The following NUP98 variants were observed in gnomAD, a reference collection of about 807,000 sequenced individuals.
NUP98 encodes nucleoporin 98 and 96 precursor.
A neutral mutation model predicts 191.9 loss-of-function variants in NUP98; 26 were observed. That is an observed-to-expected ratio of 0.14 (90% CI 0.10 to 0.19). The LOEUF is 0.19. NUP98 is among the 10% of genes least tolerant of loss of function. The pLI is 1.00. For synonymous variants in NUP98, 808 were observed against 778.4 expected (o/e 1.04, Z -0.63); for missense variants, 1,941 against 2,178.8 (o/e 0.89, Z 2.17).
chr11:3,742,875 C>T (rs1341404283), intron 12 of NUP98, among the ~76,000 whole-genome samples: 2 of 152,110 alleles, frequency 1.3e-5, no homozygotes, highest in East Asian at 3.8e-4. Context: ...CAAAACCTGA[C>T]ACATGTATCA....
intron 1 of NUP98, among the ~76,000 whole-genome samples, chr11:3,783,377 G>T (rs1024693409): frequency 6.6e-6 from 1 of 152,110 alleles, no homozygotes; most frequent in African/African-American, 2.4e-5. Context: ...GATAGGGTGA[G>T]ACAATGTCTC....
In NUP98 at chr11:3,683,406, C is replaced by T. The variant is rs145713888; in HGVS notation, c.4712G>A (p.Arg1571Gln). 43 of 1,614,052 alleles carry T rather than the reference C, an allele frequency of 2.7e-5. No individual in the cohort carries two copies. Among genetic ancestry groups the T allele is most frequent in the African/African-American group, 2.1e-4 (16 of 74,986 alleles). ...REKAVRELLT[R>Q]HCQLLETPES... ...AGGGGTCTCCAACAGCTGGCAGTGC[C>T]GGGTAAGCAGCTCTCGAACAGCCTT... is the stretch of plus-strand genomic sequence containing the variant. The change falls in exon 30 of 33, where the codon CGG (arginine) becomes CAG (glutamine). Residue 1571 changes from arginine to glutamine, a missense_variant. By Grantham distance (43) the Arg-to-Gln change is conservative. This residue lies in a region of NUP98 where 1,030 missense variants were observed against 1,115.8 expected (regional missense o/e 0.92). Transcript: ENST00000324932.
intron 2 of NUP98, 42 bp downstream of exon 2, chr11:3,782,000 A>C: frequency 7.5e-7 from 1 of 1,326,754 alleles, no homozygotes; most frequent in Non-Finnish European, 1.1e-6. Flanking sequence ...TTAGTAAGGG[A>C]GATTAAGGTT....
intron 11 of NUP98, among the ~76,000 whole-genome samples, chr11:3,746,378 T>C (rs1328487115): frequency 3.3e-5 from 5 of 150,736 alleles, no homozygotes; most frequent in Admixed American, 6.6e-5. Flanking sequence ...ATACTAAAAT[T>C]ATATTACTTC....
At chr11:3,689,444 G>A (rs1425144034) in intron 28 of NUP98, among the ~76,000 whole-genome samples, 1 of 151,750 alleles carries the variant, frequency 6.6e-6, no homozygotes, top group Non-Finnish European at 1.5e-5. Flanking sequence ...GGAGAATGGC[G>A]TGAACCTGGA....
At chr11:3,705,385 G>A in intron 21 of NUP98, 29 bp from the exon 22 acceptor site, 1 of 1,604,954 alleles carries the variant, frequency 6.2e-7, no homozygotes, top group Non-Finnish European at 8.5e-7. Flanking sequence ...TAGAATGAAT[G>A]TGCTTCCCAG....
chr11:3,740,876 C>T (rs915248253), intron 12 of NUP98, among the ~76,000 whole-genome samples: 4 of 150,774 alleles, frequency 2.7e-5, no homozygotes, highest in Non-Finnish European at 5.9e-5. Flanking sequence ...TGGAGTGTAG[C>T]GGCGTGACGT....
chr11:3,774,394 AGAGT>A (rs1179308086), intron 5 of NUP98, among the ~76,000 whole-genome samples: 16 of 151,832 alleles, frequency 1.1e-4, no homozygotes, highest in Admixed American at 2.0e-4. Flanking sequence ...CCTGGGCGAC[AGAGT>A]GAGACTCCAT....
At chr11:3,768,873 A>G in intron 7 of NUP98, 129 bp from the exon 8 acceptor site, 2 of 602,456 alleles carry the variant, frequency 3.3e-6, no homozygotes, top group East Asian at 6.2e-5. Flanking sequence ...TTCATTCACT[A>G]CTTGATCATC....
chr11:3,709,198 A>G (rs937403803), intron 20 of NUP98, among the ~76,000 whole-genome samples: 1 of 152,188 alleles, frequency 6.6e-6, no homozygotes, highest in Admixed American at 6.5e-5. Flanking sequence ...GTTTGATCCA[A>G]TATAACTACT....
At position 3,695,597 on chromosome 11, in the gene NUP98, C is replaced by T. The variant is rs747192882; in HGVS notation, c.4019G>A (p.Arg1340His). The change falls in exon 26 of 33, where the codon CGT (arginine) becomes CAT (histidine). Residue 1340 changes from arginine (R) to histidine (H), a missense_variant. Arg to His is a conservative substitution (Grantham distance 29). Coordinates refer to ENST00000324932, the MANE Select transcript of NUP98 (RefSeq NM_016320.5). ...AAACTGAGATAAAAGAAGAGCAAGA[C>T]GATGATCCCCTATAAGAGAAATGGA... ...CSLAQQSGDH[R>H]LALLLSQFVG... is the part of the protein sequence containing the mutation. 1.2e-5 allele frequency: 19 copies of T among 1,583,826 alleles called. No individual in the cohort carries two copies. Among genetic ancestry groups the T allele is most frequent in the East Asian group, 2.3e-5 (1 of 43,980 alleles).
At chr11:3,697,746 G>C (rs1398563394) in intron 25 of NUP98, among the ~76,000 whole-genome samples, 4 of 140,248 alleles carry the variant, frequency 2.9e-5, no homozygotes. Flanking sequence ...AACCCAGGAA[G>C]TAAAGGTTGC....
chr11:3,683,659 C>T (rs919160259), intron 29 of NUP98, among the ~76,000 whole-genome samples: 1 of 151,992 alleles, frequency 6.6e-6, no homozygotes, highest in African/African-American at 2.4e-5. Context: ...CTGCCTCAGC[C>T]TCACAAGTAG....
chr11:3,770,096 G>A (rs1030171626), intron 7 of NUP98, among the ~76,000 whole-genome samples: 1 of 149,964 alleles, frequency 6.7e-6, no homozygotes, highest in Admixed American at 6.7e-5. Flanking sequence ...TATAATCCCA[G>A]CGCTTTGGGA....
intron 4 of NUP98, among the ~76,000 whole-genome samples, chr11:3,776,646 G>A (rs574164130): frequency 1.3e-5 from 2 of 151,432 alleles, no homozygotes; most frequent in Admixed American, 6.6e-5. Context: ...CACCAAACCC[G>A]GCTAATTTTT....
intron 29 of NUP98, among the ~76,000 whole-genome samples, chr11:3,685,673 T>C (rs149810966): frequency 5.3e-5 from 8 of 152,370 alleles, no homozygotes; most frequent in Non-Finnish European, 1.0e-4. Context: ...CTTACCTCTA[T>C]GAAGAATTTC....
intron 28 of NUP98, among the ~76,000 whole-genome samples, chr11:3,687,574 T>C (rs2078167969): frequency 6.6e-6 from 1 of 152,182 alleles, no homozygotes; most frequent in African/African-American, 2.4e-5. Flanking sequence ...ACACAACTAA[T>C]GAGGCCAGAA....
At position 3,735,331 on chromosome 11, in the gene NUP98, A is replaced by T. The variant is rs1397194638; in HGVS notation, c.1409-7T>A. The T allele has an allele frequency of 5.1e-6, 7 of 1,370,470 alleles. No homozygotes were observed. Among genetic ancestry groups the T allele is most frequent in the South Asian group, 3.6e-5 (2 of 55,178 alleles). The allele number at this position is 1,370,470 out of a possible 1,614,324, so 84.9% of individuals were successfully genotyped here. A position where few individuals can be genotyped will look rare whatever the true frequency, so the allele number is the denominator to read the frequency against. On this transcript the variant is annotated splice_region_variant and splice_polypyrimidine_tract_variant and intron_variant, in intron 12 of 32. Coordinates refer to ENST00000324932, the MANE Select transcript of NUP98 (RefSeq NM_016320.5). ...GCATTTGGATCTGTCAAAGCTTTTA[A>T]AAAAAAAAAAAGAAAACAAAATATA... is the stretch of plus-strand genomic sequence containing the variant.
Position 3,771,827 on chromosome 11 carries a change from G to T in NUP98, c.705C>A (p.Ser235=). 1 of 1,614,144 alleles carries T rather than the reference G, an allele frequency of 6.2e-7. No individual in the cohort carries two copies. Among genetic ancestry groups the T allele is most frequent in the South Asian group, 1.1e-5 (1 of 91,080 alleles). Residue 235 remains serine, a synonymous_variant, in exon 7 of 33, where the codon TCC becomes TCA. Coordinates refer to ENST00000324932, the MANE Select transcript of NUP98 (RefSeq NM_016320.5). ...TGLFGSSPAT[S]SATGLFSSST... ...AGGAGCTGAAGAGTCCTGTTGCGCT[G>T]GAAGTGGCTGGAGAAGACCCAAACA...
Sources: allele counts gnomAD v4.1 joint callset (sites outside exome capture counted in the v4.1 genomes callset), GRCh38; gene constraint gnomAD v4.1.1; regional missense constraint gnomAD v4.1.1; transcripts MANE v1.5; gene names NCBI Gene and HGNC (gene_info 2026-07-23, HGNC 2026-07-21).